WNT16: variants seen among roughly 807,000 people sequenced by gnomAD.
WNT16 encodes the protein protein Wnt-16.
A neutral mutation model predicts 35.4 loss-of-function variants in WNT16; 20 were observed. The observed-to-expected ratio is 0.56, with a 90% confidence interval of 0.40 to 0.82. The LOEUF is 0.82. Among genes scored for constraint, WNT16 ranks in the 40% least tolerant of loss-of-function variants. WNT16 has a pLI of 0.00. For synonymous variants in WNT16, 180 were observed against 179.2 expected (o/e 1.00, Z -0.03); for missense variants, 461 against 466.0 (o/e 0.99, Z 0.10).
Position 121,329,228 on chromosome 7 carries a change from G to T in WNT16, c.-65G>T, listed in dbSNP as rs575759803. The T allele has an allele frequency of 1.4e-6, 2 of 1,468,314 alleles. No individual in the cohort carries two copies. Among genetic ancestry groups the T allele is most frequent in the African/African-American group, 1.4e-5 (1 of 70,442 alleles). The allele number at this position is 1,468,314 out of a possible 1,614,324, so 91.0% of individuals were successfully genotyped here. A position where few individuals can be genotyped will look rare whatever the true frequency, so the allele number is the denominator to read the frequency against. On this transcript the variant is annotated 5_prime_UTR_variant, in exon 1 of 4. An upstream open reading frame in the 5' UTR gains an earlier in-frame stop. Transcript: ENST00000222462. ...GTGCTGGACAACTGACCTGCGGCCC[G>T]AAGGGCCTCTGGGGAGGGGGTGCAA... is the stretch of plus-strand genomic sequence containing the variant.
intron 3 of WNT16, among the ~76,000 whole-genome samples, chr7:121,333,540 A>C (rs1277062863): frequency 6.6e-6 from 1 of 151,964 alleles, no homozygotes; most frequent in Non-Finnish European, 1.5e-5. Context: ...ATGCCTCTTA[A>C]GGTTTTACAT....
intron 3 of WNT16, among the ~76,000 whole-genome samples, chr7:121,332,876 T>C (rs1793376302): frequency 6.6e-6 from 1 of 152,074 alleles, no homozygotes; most frequent in Admixed American, 6.5e-5. Context: ...GAATTCTACA[T>C]TTTTATACTG....
rs776391712 is a variant in WNT16, at chr7:121,331,837, C to G, written c.506C>G (p.Ser169Cys). The G allele has an allele frequency of 6.2e-7, 1 of 1,614,126 alleles. No homozygotes were observed. ...GAAGGCTGGCACTGGGGGGGCTGCT[C>G]CGATGATGTCCAGTATGGCATGTGG... ...ASEGWHWGGC[S>C]DDVQYGMWFS... is the part of the protein sequence containing the mutation. Residue 169 changes from serine to cysteine, a missense_variant, in exon 3 of 4, where the codon TCC becomes TGC. Transcript: ENST00000222462.
At position 121,329,227 on chromosome 7, in the gene WNT16, C is replaced by G; in HGVS notation, c.-66C>G. 6.8e-7 allele frequency: 1 copy of G among 1,466,482 alleles called. No homozygotes were observed. The highest frequency in any genetic ancestry group is 9.0e-7 in the Non-Finnish European group (1 of 1,110,592). The allele number at this position is 1,466,482 out of a possible 1,614,324, so 90.8% of individuals were successfully genotyped here. A position where few individuals can be genotyped will look rare whatever the true frequency, so the allele number is the denominator to read the frequency against. On this transcript the variant is annotated 5_prime_UTR_variant, in exon 1 of 4. Coordinates refer to ENST00000222462, the MANE Select transcript of WNT16 (RefSeq NM_057168.2). ...GGTGCTGGACAACTGACCTGCGGCC[C>G]GAAGGGCCTCTGGGGAGGGGGTGCA...
rs571673718 is a variant in WNT16, at chr7:121,334,049, A to T, written c.633+2085A>T. 2.0e-5 allele frequency among the ~76,000 whole-genome samples: 3 copies of T among 152,164 alleles called. No individual in the cohort carries two copies. The South Asian group carries it at 6.2e-4, about 32-fold the overall frequency. ...TTTATATCCTGATTTTATTAAAAAC[A>T]TACTTCCTATTCACCATTAATTTAA... On this transcript the variant is annotated intron_variant, in intron 3 of 3. Coordinates refer to ENST00000222462, the MANE Select transcript of WNT16 (RefSeq NM_057168.2).
At chr7:121,331,133 ATACGGTACCG>A (rs1793339404) in intron 2 of WNT16, among the ~76,000 whole-genome samples, 1 of 152,262 alleles carries the variant, frequency 6.6e-6, no homozygotes, top group Non-Finnish European at 1.5e-5. Flanking sequence ...ATGTGAAAAT[ATACGGTACCG>A]TTTACTAATT....
upstream of WNT16, among the ~76,000 whole-genome samples, chr7:121,325,708 G>GT (rs1490509044): frequency 1.3e-5 from 2 of 151,818 alleles, no homozygotes; most frequent in Non-Finnish European, 2.9e-5. Context: ...CTATATATAT[G>GT]TTTTGAATTA....
At chr7:121,330,646 G>A (rs1218778120) in intron 2 of WNT16, among the ~76,000 whole-genome samples, 1 of 143,888 alleles carries the variant, frequency 6.9e-6, no homozygotes, top group Non-Finnish European at 1.5e-5. Flanking sequence ...CCCCCGCCGA[G>A]CCGCGCACCT....
At chr7:121,330,872 G>A (rs1204855990) in intron 2 of WNT16, among the ~76,000 whole-genome samples, 3 of 150,938 alleles carry the variant, frequency 2.0e-5, no homozygotes, top group Non-Finnish European at 4.4e-5. Flanking sequence ...AAAAAAAGTC[G>A]CCTGCTGATT....
chr7:121,332,076 C>G, intron 3 of WNT16, 112 bp downstream of exon 3: 2 of 1,256,354 alleles, frequency 1.6e-6, no homozygotes, highest in Non-Finnish European at 2.2e-6. Context: ...ACTGGCAGCC[C>G]TCAAGTGGGA....
At chr7:121,338,192 A>G (rs1286481621) in intron 3 of WNT16, among the ~76,000 whole-genome samples, 1 of 152,170 alleles carries the variant, frequency 6.6e-6, no homozygotes, top group East Asian at 1.9e-4. Flanking sequence ...TCATCCCTGG[A>G]TGCTCATTAA....
rs1793295373 is a variant in WNT16, at chr7:121,329,276, G to GA, written c.-16dup. 3.9e-6 allele frequency: 6 copies of GA among 1,542,950 alleles called. No homozygotes were observed. The South Asian group carries it at 6.0e-5, about 15-fold the overall frequency. ...CAAAAGAGGAGCGGCTGGGCTGGGGGACTCCATGCGGGGGCGATGGACAGG... is the reference window on the plus strand; with the variant it reads ...CAAAAGAGGAGCGGCTGGGCTGGGGGAACTCCATGCGGGGGCGATGGACAGG... On this transcript the variant is annotated 5_prime_UTR_variant, in exon 1 of 4. Transcript: ENST00000222462.
chr7:121,334,089 G>T (rs1793396566), intron 3 of WNT16, among the ~76,000 whole-genome samples: 1 of 151,552 alleles, frequency 6.6e-6, no homozygotes, highest in Non-Finnish European at 1.5e-5. Flanking sequence ...ATTTTTATTG[G>T]CAAAAAATAA....
At position 121,332,034 on chromosome 7, in the gene WNT16, A is replaced by G. The variant is rs186398640; in HGVS notation, c.633+70A>G. 3,646 of 1,553,158 alleles carry G rather than the reference A, an allele frequency of 2.3e-3. 50 individuals are homozygous for G. The highest frequency in any genetic ancestry group is 6.1e-4 in the Non-Finnish European group (696 of 1,143,048). ...TAAATAACTAGGATTACACATCTGC[A>G]TGAAACTGTCCAAATGACTTAAAAA... On this transcript the variant is annotated intron_variant, in intron 3 of 3. Transcript: ENST00000222462.
At position 121,339,595 on chromosome 7, in the gene WNT16, A is replaced by T. The variant is rs538096129; in HGVS notation, c.*250A>T. 2 of 492,186 alleles carry T rather than the reference A, an allele frequency of 4.1e-6. No individual in the cohort carries two copies. Among genetic ancestry groups the T allele is most frequent in the Non-Finnish European group, 7.2e-6 (2 of 279,462 alleles). 30.5% of individuals were successfully genotyped at this position (492,186 alleles called of 1,614,324 possible). On this transcript the variant is annotated 3_prime_UTR_variant, in exon 4 of 4. Coordinates refer to ENST00000222462, the MANE Select transcript of WNT16 (RefSeq NM_057168.2). ...TTCACCTTTTGATGATTTGGGGAAT[A>T]TATATTGACATACAAGGAAGATAAT...
Position 121,331,623 on chromosome 7 carries a change from G to A in WNT16, c.347-55G>A. The A allele has an allele frequency of 5.8e-6, 9 of 1,550,584 alleles. 1 individual carries two copies. Among genetic ancestry groups the A allele is most frequent in the African/African-American group, 1.4e-5 (1 of 73,740 alleles). ...GATCATGAGTAGGAGGCTTTCTTCT[G>A]AACATAAACAGAAGTTGCCTGGTTC... On this transcript the variant is annotated intron_variant, in intron 2 of 3. Transcript: ENST00000222462.
chr7:121,338,252 C>G (rs866653419), intron 3 of WNT16, among the ~76,000 whole-genome samples: 1 of 152,296 alleles, frequency 6.6e-6, no homozygotes, highest in Non-Finnish European at 1.5e-5. Context: ...CACCCCACCC[C>G]CTGCCCGACC....
At chr7:121,325,622 G>C (rs191148986), upstream of WNT16, 1 of 728,744 alleles carries the variant, frequency 1.4e-6, no homozygotes, top group Non-Finnish European at 2.1e-6. Context: ...TTAAGATTTG[G>C]GGATTTGATC....
intron 3 of WNT16, among the ~76,000 whole-genome samples, chr7:121,337,665 G>T (rs116558584): frequency 0.018 from 2,733 of 152,232 alleles, 89 homozygotes; most frequent in African/African-American, 0.062. Context: ...GGCTAGCCTG[G>T]TATGTAAGAG....
Sources: allele counts gnomAD v4.1 joint callset (sites outside exome capture counted in the v4.1 genomes callset), GRCh38; gene constraint gnomAD v4.1.1; transcripts MANE v1.5; gene names NCBI Gene and HGNC (gene_info 2026-07-23, HGNC 2026-07-21).